PCDH15: variants seen among roughly 807,000 people sequenced by gnomAD.
PCDH15 encodes protocadherin-15.
Under a neutral mutation model 178.5 loss-of-function variants are expected in PCDH15, and 129 were observed. The observed-to-expected ratio is 0.72, with a 90% CI of 0.63 to 0.84. The LOEUF is 0.84. PCDH15 is among the 40% of genes least tolerant of loss of function. The probability of loss-of-function intolerance (pLI) is 0.00; values close to 1 mark genes in which losing one functional copy is unlikely to be tolerated. For synonymous variants in PCDH15, 800 were observed against 732.0 expected (o/e 1.09, Z -1.50); for missense variants, 2,230 against 2,099.9 (o/e 1.06, Z -1.21).
intron 1 of PCDH15, among the ~76,000 whole-genome samples, chr10:54,790,059 T>C (rs548132970): frequency 1.3e-5 from 2 of 151,832 alleles, no homozygotes; most frequent in East Asian, 3.9e-4. Flanking sequence ...ATAGGTAAAT[T>C]AGGGGGATCC....
At chr10:53,822,013 T>G in intron 32 of PCDH15, 1 of 1,614,024 alleles carries the variant, frequency 6.2e-7, no homozygotes, top group Non-Finnish European at 8.5e-7. Flanking sequence ...AGATAGTTTT[T>G]TTCTATTTGA....
intron 2 of PCDH15, among the ~76,000 whole-genome samples, chr10:55,010,674 C>T (rs1235487456): frequency 6.6e-6 from 1 of 151,986 alleles, no homozygotes; most frequent in Non-Finnish European, 1.5e-5. Context: ...TCTAAAGAAG[C>T]TGAAGTCTTA....
At chr10:55,407,947 G>A (rs1838238744) in intron 2 of PCDH15, among the ~76,000 whole-genome samples, 1 of 152,098 alleles carries the variant, frequency 6.6e-6, no homozygotes, top group South Asian at 2.1e-4. Context: ...CAGGATGTAG[G>A]TGGAGGAGAA....
chr10:53,967,796 C>T (rs568385772), intron 21 of PCDH15, among the ~76,000 whole-genome samples: 9 of 151,966 alleles, frequency 5.9e-5, no homozygotes, highest in African/African-American at 9.6e-5. Flanking sequence ...TATATTCTAC[C>T]GTATCTCTCT....
chr10:54,220,706 T>C (rs1399370202), intron 9 of PCDH15, among the ~76,000 whole-genome samples: 2 of 151,958 alleles, frequency 1.3e-5, no homozygotes, highest in Non-Finnish European at 2.9e-5. Context: ...GCGCCTGTAG[T>C]CCTAGCTACT....
chr10:55,514,899 A>G (rs574748206), intron 2 of PCDH15, among the ~76,000 whole-genome samples: 3 of 152,096 alleles, frequency 2.0e-5, no homozygotes, highest in African/African-American at 7.2e-5. Context: ...TAGGTGGACA[A>G]TAGGACTGAC....
chr10:54,862,851 G>A (rs1262037132), intron 3 of PCDH15, among the ~76,000 whole-genome samples: 1 of 152,106 alleles, frequency 6.6e-6, no homozygotes, highest in African/African-American at 2.4e-5. Context: ...CCAGCCATCT[G>A]AATTATGAAC....
intron 7 of PCDH15, among the ~76,000 whole-genome samples, chr10:54,321,759 T>C (rs1591791263): frequency 6.6e-6 from 1 of 151,324 alleles, no homozygotes; most frequent in East Asian, 1.9e-4. Flanking sequence ...TTTTTTCTCA[T>C]ATTGGGGAAA....
At position 55,315,069 on chromosome 10, in the gene PCDH15, G is replaced by T. The variant is rs149361301; in HGVS notation, c.-156+4530C>A. On this transcript the variant is annotated intron_variant, in intron 1 of 5. Coordinates refer to the PCDH15 transcript ENST00000458638. ...TGGTGTTCTACTTAAAGATCAGAAA[G>T]AAATCTATATAGTTTTAGACTTATT... Among the ~76,000 whole-genome samples the T allele has an allele frequency of 2.9e-4, 44 of 152,088 alleles. No individual in the cohort carries two copies. The East Asian group carries it at 6.0e-3, about 21-fold the overall frequency.
At chr10:55,172,515 T>C (rs1335254008) in intron 1 of PCDH15, among the ~76,000 whole-genome samples, 7 of 152,014 alleles carry the variant, frequency 4.6e-5, no homozygotes, top group Non-Finnish European at 7.4e-5. Context: ...GTGCAATGAA[T>C]GGCCACTTCA....
At position 55,479,566 on chromosome 10, in the gene PCDH15, A is replaced by G. The variant is rs563369085; in HGVS notation, c.-156+148059T>C. 3.2e-3 allele frequency among the ~76,000 whole-genome samples: 479 copies of G among 151,818 alleles called. 2 individuals carry two copies. Among genetic ancestry groups the G allele is most frequent in the Non-Finnish European group, 5.9e-3 (397 of 67,716 alleles). Reference sequence around the variant, plus strand: ...AAACCCACAACTAACATTATACCGAATGAGGAAATGTTAAAAGTTTTACTT... The same window carrying G: ...AAACCCACAACTAACATTATACCGAGTGAGGAAATGTTAAAAGTTTTACTT... On this transcript the variant is annotated intron_variant, in intron 2 of 5. Coordinates refer to the PCDH15 transcript ENST00000613346.
At chr10:54,881,483 G>A (rs147578939) in intron 3 of PCDH15, among the ~76,000 whole-genome samples, 1 of 151,806 alleles carries the variant, frequency 6.6e-6, no homozygotes, top group Non-Finnish European at 1.5e-5. Flanking sequence ...CACATATTAG[G>A]GTGTAGAAAT....
Position 54,077,789 on chromosome 10 carries a change from G to T in PCDH15, c.2091+1542C>A, listed in dbSNP as rs187746039. Among the ~76,000 whole-genome samples the T allele has an allele frequency of 6.6e-5, 10 of 152,270 alleles. No individual in the cohort carries two copies. In the East Asian group the frequency reaches 1.9e-3, roughly 29 times the overall value. On this transcript the variant is annotated intron_variant, in intron 17 of 37. Coordinates refer to ENST00000644397, the MANE Select transcript of PCDH15 (RefSeq NM_001384140.1). ...TGTAATAATTTAGGGCAGGCTGGGC[G>T]CAGTGGCTCACGCCTGTAACCCCAG...
intron 2 of PCDH15, among the ~76,000 whole-genome samples, chr10:55,347,252 T>C (rs187331485): frequency 2.7e-4 from 41 of 151,824 alleles, no homozygotes; most frequent in Admixed American, 7.9e-4. Context: ...AAAAAGAGTA[T>C]AGTGGAAGTT....
At chr10:53,913,761 CAAAA>C (rs1438023319) in intron 25 of PCDH15, among the ~76,000 whole-genome samples, 2 of 149,962 alleles carry the variant, frequency 1.3e-5, no homozygotes, top group African/African-American at 2.4e-5. Flanking sequence ...AACCAAAAAA[CAAAA>C]AACAAAAAAA....
chr10:55,210,571 A>G (rs1840533520), intron 1 of PCDH15, among the ~76,000 whole-genome samples: 1 of 150,990 alleles, frequency 6.6e-6, no homozygotes, highest in Non-Finnish European at 1.5e-5. Flanking sequence ...GGGGAAAAAA[A>G]AGCTAATTGA....
rs762677779 is a variant in PCDH15 at position 53,938,869 on chromosome 10, C to T, written c.3319G>A (p.Val1107Ile). Residue 1107 changes from valine to isoleucine, a missense_variant, in exon 25 of 38, where the codon GTC becomes ATC. Physicochemically the swap from Val to Ile is conservative, Grantham distance 29. Coordinates refer to ENST00000644397, the MANE Select transcript of PCDH15 (RefSeq NM_001384140.1). ...YETRTSYVLR[V>I]QADSLEVVLA... is the part of the protein sequence containing the mutation. Reference sequence around the variant, plus strand: ...ACCACTTCCAGGGAATCAGCTTGGACTCGAAGTACATAGCTTGTCCTGGTC... The same window carrying T: ...ACCACTTCCAGGGAATCAGCTTGGATTCGAAGTACATAGCTTGTCCTGGTC... The T allele has an allele frequency of 6.2e-7, 1 of 1,613,620 alleles. No individual in the cohort carries two copies.
At chr10:53,839,170 T>A (rs2077489330) in intron 29 of PCDH15, among the ~76,000 whole-genome samples, 1 of 120,936 alleles carries the variant, frequency 8.3e-6, no homozygotes, top group South Asian at 2.7e-4. Flanking sequence ...GCCACTGCAC[T>A]CCAGCCTGGG....
intron 3 of PCDH15, among the ~76,000 whole-genome samples, chr10:54,844,256 TAGTG>T (rs1356060607): frequency 2.0e-5 from 3 of 152,154 alleles, no homozygotes; most frequent in East Asian, 1.9e-4. Flanking sequence ...ATGTGTGTGT[TAGTG>T]AGGGGAGAGA....
Sources: allele counts gnomAD v4.1 joint callset (sites outside exome capture counted in the v4.1 genomes callset), GRCh38; gene constraint gnomAD v4.1.1; transcripts MANE v1.5; gene names NCBI Gene and HGNC (gene_info 2026-07-23, HGNC 2026-07-21).